The following GTF2A2 variants were observed in gnomAD, a reference collection of about 807,000 sequenced individuals.
GTF2A2 encodes transcription initiation factor IIA subunit 2.
In GTF2A2, 9 loss-of-function variants were observed where a neutral mutation model predicts 14.3. The ratio of observed to expected loss-of-function variants is 0.63; its 90% confidence interval spans 0.38 to 1.10. The LOEUF (loss-of-function observed/expected upper bound fraction) is 1.10, where lower values mean the gene tolerates loss of function less well. GTF2A2 is among the 50% of genes least tolerant of loss of function. The pLI, the probability that GTF2A2 is intolerant of heterozygous loss-of-function variation, is 0.01. For missense variants in GTF2A2, 90 were observed against 124.6 expected, an observed-to-expected ratio of 0.72 and a Z score of 1.32; for synonymous variants, 56 against 46.0, an observed-to-expected ratio of 1.22 and a Z score of -0.88.
intron 2 of GTF2A2, 113 bp from the exon 3 acceptor site, chr15:59,650,886 A>G: frequency 1.6e-6 from 1 of 618,546 alleles, no homozygotes; most frequent in Non-Finnish European, 2.8e-6. Flanking sequence ...AAAGCCTCTA[A>G]ACTAGAATTC....
intron 3 of GTF2A2, among the ~76,000 whole-genome samples, chr15:59,646,906 T>A (rs930955434): frequency 4.6e-5 from 7 of 151,656 alleles, no homozygotes; most frequent in African/African-American, 7.3e-5. Context: ...TTTTTACTTA[T>A]TTAAATATCT....
chr15:59,642,302 T>C (rs1891456524), intron 3 of GTF2A2, 40 bp from the exon 4 acceptor site: 1 of 1,544,840 alleles, frequency 6.5e-7, no homozygotes, highest in East Asian at 2.4e-5. Flanking sequence ...GAAACGTTTT[T>C]TCCCCTCACA....
intron 3 of GTF2A2, chr15:59,644,210 G>A (rs527781343): frequency 6.6e-6 from 1 of 152,132 alleles, no homozygotes; most frequent in Non-Finnish European, 1.5e-5. Flanking sequence ...TTTTTAAAAA[G>A]AATGTGATGA....
intron 3 of GTF2A2, among the ~76,000 whole-genome samples, chr15:59,644,508 A>G (rs1349603258): frequency 6.6e-6 from 1 of 152,234 alleles, no homozygotes; most frequent in Non-Finnish European, 1.5e-5. Flanking sequence ...CTCTGAGGAT[A>G]CAATGGTAAG....
intron 3 of GTF2A2, among the ~76,000 whole-genome samples, chr15:59,649,308 G>C (rs1457085562): frequency 6.6e-6 from 1 of 152,188 alleles, no homozygotes; most frequent in Non-Finnish European, 1.5e-5. Flanking sequence ...ATTATTTATA[G>C]CTTTTCGAAA....
At chr15:59,641,528 T>C (rs1767817655) in intron 4 of GTF2A2, among the ~76,000 whole-genome samples, 1 of 152,178 alleles carries the variant, frequency 6.6e-6, no homozygotes, top group Non-Finnish European at 1.5e-5. Context: ...TTAACACAAA[T>C]GGTTCAGATT....
chr15:59,644,836 T>G (rs74532967), intron 3 of GTF2A2, among the ~76,000 whole-genome samples: 1 of 152,160 alleles, frequency 6.6e-6, no homozygotes, highest in East Asian at 1.9e-4. Context: ...TTGGAAAACC[T>G]TTGCCCCATC....
chr15:59,654,493 CTTTAT>C (rs1234051657), intron 1 of GTF2A2, among the ~76,000 whole-genome samples: 3 of 152,180 alleles, frequency 2.0e-5, no homozygotes, highest in Non-Finnish European at 2.9e-5. Flanking sequence ...CCTCACACTG[CTTTAT>C]TTTCATTCAT....
chr15:59,653,782 C>CA (rs1403573845), intron 1 of GTF2A2, among the ~76,000 whole-genome samples: 1 of 152,150 alleles, frequency 6.6e-6, no homozygotes, highest in East Asian at 1.9e-4. Context: ...TTCAATTTGT[C>CA]AAAAACCATG....
chr15:59,651,498 A>C (rs1293668011), intron 2 of GTF2A2: 3 of 152,172 alleles, frequency 2.0e-5, no homozygotes, highest in African/African-American at 7.2e-5. Context: ...ATATGTTTTT[A>C]TTTGGGAGAA....
chr15:59,645,249 G>A (rs1891564305), intron 3 of GTF2A2, among the ~76,000 whole-genome samples: 1 of 152,168 alleles, frequency 6.6e-6, no homozygotes, highest in East Asian at 1.9e-4. Context: ...TGTCCAATAA[G>A]TAATTGGAGT....
chr15:59,648,617 A>C (rs1891690371), intron 3 of GTF2A2, among the ~76,000 whole-genome samples: 1 of 152,010 alleles, frequency 6.6e-6, no homozygotes, highest in African/African-American at 2.4e-5. Context: ...AATTTCACTT[A>C]TATTGAACCC....
At chr15:59,648,656 C>G (rs150222238) in intron 3 of GTF2A2, among the ~76,000 whole-genome samples, 3 of 151,814 alleles carry the variant, frequency 2.0e-5, no homozygotes, top group Non-Finnish European at 2.9e-5. Context: ...AAAAACAGGC[C>G]GGGCGCAGTG....
At chr15:59,642,959 G>T (rs1306200390) in intron 3 of GTF2A2, among the ~76,000 whole-genome samples, 3 of 151,464 alleles carry the variant, frequency 2.0e-5, no homozygotes, top group Admixed American at 6.6e-5. Context: ...CAGAGATGGT[G>T]TTTCACCATG....
At chr15:59,645,880 A>G (rs763226496) in intron 3 of GTF2A2, among the ~76,000 whole-genome samples, 23 of 151,838 alleles carry the variant, frequency 1.5e-4, no homozygotes, top group Non-Finnish European at 2.6e-4. Context: ...ACGTAAATAT[A>G]AAAATTAGAC....
intron 1 of GTF2A2, chr15:59,656,967 T>A (rs1482321210): frequency 6.6e-6 from 1 of 152,170 alleles, no homozygotes; most frequent in Admixed American, 6.5e-5. Context: ...AACCACCAAG[T>A]TTAAAATTCG....
intron 3 of GTF2A2, among the ~76,000 whole-genome samples, chr15:59,647,234 GGGC>G (rs1421381426): frequency 6.6e-6 from 1 of 151,740 alleles, no homozygotes; most frequent in Admixed American, 6.6e-5. Flanking sequence ...CTGGGACTAT[GGGC>G]ACACACCATC....
At chr15:59,645,362 C>T (rs1364120749) in intron 3 of GTF2A2, among the ~76,000 whole-genome samples, 2 of 152,054 alleles carry the variant, frequency 1.3e-5, no homozygotes, top group African/African-American at 4.8e-5. Flanking sequence ...GAAATACCAA[C>T]AATTAAATGA....
chr15:59,638,234 A>G lies in GTF2A2; in HGVS notation c.*898T>C, dbSNP rs546418671. ...AAAGTTAGTTTTAATGTGAGAGTCA[A>G]GGACTACAGTGGCATGCTGAGGTAA... On this transcript the variant is annotated 3_prime_UTR_variant, in exon 5 of 5. Coordinates refer to ENST00000396060, the MANE Select transcript of GTF2A2 (RefSeq NM_004492.3). 5 of 152,162 alleles carry G rather than the reference A, an allele frequency of 3.3e-5. No homozygotes were observed. Among genetic ancestry groups the G allele is most frequent in the Non-Finnish European group, 7.3e-5 (5 of 68,038 alleles). 9.4% of individuals were successfully genotyped at this position (152,162 alleles called of 1,614,324 possible). A position where few individuals can be genotyped will look rare whatever the true frequency, so the allele number is the denominator to read the frequency against.
Sources: gnomAD v4.1 joint callset for allele counts (sites outside exome capture counted in the v4.1 genomes callset) on GRCh38, gnomAD v4.1.1 for gene constraint, MANE v1.5 for transcripts, NCBI Gene and HGNC (gene_info 2026-07-23, HGNC 2026-07-21) for gene names.